Variants in MCF2L2 observed in about 807,000 individuals in gnomAD.
MCF2L2 encodes MCF.2 cell line derived transforming sequence-like 2.
Under a neutral mutation model 150.2 loss-of-function variants are expected in MCF2L2, and 102 were observed. The observed-to-expected ratio is 0.68, with a 90% CI of 0.58 to 0.80. The LOEUF is 0.80. MCF2L2 is among the 30% of genes least tolerant of loss of function. The pLI is 0.00. For missense variants in MCF2L2, 1,256 were observed against 1,372.8 expected (o/e 0.91, Z 1.34); for synonymous variants, 465 against 491.3 (o/e 0.95, Z 0.71).
chr3:183,258,326 T>G (rs1393919521), intron 15 of MCF2L2: 1 of 152,876 alleles, frequency 6.5e-6, no homozygotes, highest in Non-Finnish European at 1.5e-5. Flanking sequence ...CTCCTTTTCT[T>G]TCTCCCATCC....
At chr3:183,265,753 C>T (rs1410545554) in intron 15 of MCF2L2, among the ~76,000 whole-genome samples, 1 of 152,202 alleles carries the variant, frequency 6.6e-6, no homozygotes, top group African/African-American at 2.4e-5. Context: ...TTCCCCTTAT[C>T]ATTCAAGTAT....
At chr3:183,280,765 T>C (rs1727422347) in intron 14 of MCF2L2, among the ~76,000 whole-genome samples, 1 of 151,302 alleles carries the variant, frequency 6.6e-6, no homozygotes, top group Non-Finnish European at 1.5e-5. Context: ...GGAGAATCGC[T>C]TGAACCCGGG....
chr3:183,343,290 C>A (rs1730772043), intron 3 of MCF2L2, among the ~76,000 whole-genome samples: 1 of 151,758 alleles, frequency 6.6e-6, no homozygotes, highest in South Asian at 2.1e-4. Flanking sequence ...CAGACTTTTA[C>A]ATAAAGTGGT....
intron 9 of MCF2L2, 70 bp downstream of exon 9, chr3:183,310,845 G>C: frequency 2.0e-6 from 2 of 1,005,266 alleles, no homozygotes; most frequent in African/African-American, 1.6e-5. Flanking sequence ...ATACCAAAGA[G>C]TGAGGAGGGA....
chr3:183,260,338 G>T (rs577571859), intron 15 of MCF2L2, among the ~76,000 whole-genome samples: 3 of 152,148 alleles, frequency 2.0e-5, no homozygotes, highest in South Asian at 4.1e-4. Flanking sequence ...GGTAAAAGGA[G>T]AAGTTTCTTA....
intron 5 of MCF2L2, among the ~76,000 whole-genome samples, chr3:183,332,901 A>G (rs1385893619): frequency 6.6e-6 from 1 of 152,146 alleles, no homozygotes; most frequent in African/African-American, 2.4e-5. Flanking sequence ...AAAAGAAAGG[A>G]TTTTCAGAAA....
chr3:183,252,032 ATG>A (rs1724566348), intron 15 of MCF2L2, among the ~76,000 whole-genome samples: 1 of 148,638 alleles, frequency 6.7e-6, no homozygotes, highest in Non-Finnish European at 1.5e-5. Context: ...TGTGATTTGT[ATG>A]TGTGTCTACC....
intron 1 of MCF2L2, among the ~76,000 whole-genome samples, chr3:183,405,802 G>A (rs897391782): frequency 3.3e-5 from 5 of 152,126 alleles, no homozygotes; most frequent in Non-Finnish European, 5.9e-5. Flanking sequence ...TGCAACCTCC[G>A]CCTCCCGACT....
intron 1 of MCF2L2, among the ~76,000 whole-genome samples, chr3:183,393,141 T>A (rs968491761): frequency 6.6e-6 from 1 of 151,726 alleles, no homozygotes; most frequent in African/African-American, 2.4e-5. Flanking sequence ...TGTGGAGGCT[T>A]CCTGCTTCTT....
At position 183,269,230 on chromosome 3, in the gene MCF2L2, C is replaced by CTTTTTTTTTTTTTTTTTTTTT. The variant is rs60835895; in HGVS notation, c.1862+7641_1862+7642insAAAAAAAAAAAAAAAAAAAAA. ...TACACGATTATAGCCGTTTGGGAAG[C>CTTTTTTTTTTTTTTTTTTTTT]TTTTTTTTTTTTTTTTTTAAGAGTA... On this transcript the variant is annotated intron_variant, in intron 15 of 29. Transcript: ENST00000328913. Among the ~76,000 whole-genome samples the CTTTTTTTTTTTTTTTTTTTTT allele has an allele frequency of 2.4e-3, 192 of 80,962 alleles. 23 individuals carry two copies. The highest frequency in any genetic ancestry group is 7.7e-3 in the Middle Eastern group (1 of 130). 53.1% of individuals were successfully genotyped at this position (80,962 alleles called of 152,430 possible).
At chr3:183,356,209 C>A (rs1405806547) in intron 3 of MCF2L2, among the ~76,000 whole-genome samples, 1 of 147,518 alleles carries the variant, frequency 6.8e-6, no homozygotes, top group South Asian at 2.2e-4. Context: ...GCAAAGTACT[C>A]TTTATTATAA....
chr3:183,283,662 C>A lies in MCF2L2; in HGVS notation c.1776+5458G>T, dbSNP rs547131163. 6.6e-5 allele frequency among the ~76,000 whole-genome samples: 10 copies of A among 152,168 alleles called. No individual in the cohort carries two copies. The East Asian group carries it at 1.9e-3, about 29-fold the overall frequency. On this transcript the variant is annotated intron_variant, in intron 14 of 29. Transcript: ENST00000328913. This position sits in a 1 kb window ranked among gnomAD's most constrained non-coding sequence, Gnocchi z 4.2. ...TCAGCCTCCTGAGTAGCTGGGATTA[C>A]AGGTGCCCGCCACCATGCCCAGCTA...
At chr3:183,331,515 T>C (rs1730271685) in intron 5 of MCF2L2, among the ~76,000 whole-genome samples, 1 of 152,246 alleles carries the variant, frequency 6.6e-6, no homozygotes, top group African/African-American at 2.4e-5. Flanking sequence ...TATAGATGCT[T>C]AAAACCGTTC....
At chr3:183,394,172 G>C (rs1403088302) in intron 1 of MCF2L2, among the ~76,000 whole-genome samples, 1 of 152,162 alleles carries the variant, frequency 6.6e-6, no homozygotes, top group African/African-American at 2.4e-5. Context: ...TCTGCCAGTT[G>C]ATCAAACTAG....
At chr3:183,418,876 T>A (rs1715731274) in intron 1 of MCF2L2, among the ~76,000 whole-genome samples, 1 of 152,186 alleles carries the variant, frequency 6.6e-6, no homozygotes, top group South Asian at 2.1e-4. Context: ...TGTCGGTGGA[T>A]CTGTCATTGT....
intron 1 of MCF2L2, among the ~76,000 whole-genome samples, chr3:183,420,310 G>T (rs1254714899): frequency 1.3e-5 from 2 of 152,100 alleles, no homozygotes; most frequent in African/African-American, 4.8e-5. Context: ...CTGCTATAAA[G>T]ATACAACCTG....
At chr3:183,418,302 C>G (rs1715705154) in intron 1 of MCF2L2, among the ~76,000 whole-genome samples, 1 of 152,188 alleles carries the variant, frequency 6.6e-6, no homozygotes. Flanking sequence ...GGAGGTCCCT[C>G]CCTCAACATG....
chr3:183,276,134 A>C (rs185070102), intron 15 of MCF2L2, among the ~76,000 whole-genome samples: 15 of 152,354 alleles, frequency 9.8e-5, no homozygotes, highest in Admixed American at 9.1e-4. Context: ...AACTCCAGGA[A>C]CATGGCAATC....
chr3:183,262,305 A>T (rs1020712232), intron 15 of MCF2L2, among the ~76,000 whole-genome samples: 6 of 151,880 alleles, frequency 4.0e-5, no homozygotes, highest in Non-Finnish European at 7.4e-5. Flanking sequence ...ATGTCCATGG[A>T]AGTTGGCAAT....
Sources: gnomAD v4.1 joint callset for allele counts (sites outside exome capture counted in the v4.1 genomes callset) on GRCh38, gnomAD v4.1.1 for gene constraint, Gnocchi (gnomAD v3.1) non-coding constraint, MANE v1.5 for transcripts, NCBI Gene and HGNC (gene_info 2026-07-23, HGNC 2026-07-21) for gene names.